Variants in GABRB1 observed in about 807,000 individuals in gnomAD.
The protein encoded by GABRB1 is gamma-aminobutyric acid type A receptor subunit beta1.
In GABRB1, 17 loss-of-function variants were observed where a neutral mutation model predicts 51.6. That is an observed-to-expected ratio of 0.33 (90% CI 0.23 to 0.49). GABRB1 has a LOEUF of 0.49. Ranked by LOEUF, GABRB1 falls within the 20% of genes least tolerant of loss-of-function variation. The pLI is 0.99. For missense variants in GABRB1, 410 were observed against 600.6 expected, an observed-to-expected ratio of 0.68 and a Z score of 3.32; for synonymous variants, 247 against 218.9, an observed-to-expected ratio of 1.13 and a Z score of -1.14.
intron 3 of GABRB1, among the ~76,000 whole-genome samples, chr4:47,101,569 G>A (rs1017485816): frequency 2.0e-5 from 3 of 151,552 alleles, no homozygotes; most frequent in Admixed American, 6.6e-5. Context: ...GCAACCAACC[G>A]TTTTAAGATT....
At chr4:47,177,955 G>T (rs1348221) in intron 4 of GABRB1, among the ~76,000 whole-genome samples, 1 of 151,878 alleles carries the variant, frequency 6.6e-6, no homozygotes, top group Non-Finnish European at 1.5e-5. Flanking sequence ...TTTGGGTTCC[G>T]AGTGTGAGGC....
intron 1 of GABRB1, among the ~76,000 whole-genome samples, chr4:47,015,234 A>G (rs915139092): frequency 6.6e-6 from 1 of 152,218 alleles, no homozygotes; most frequent in Non-Finnish European, 1.5e-5. Context: ...TGATGGGTCT[A>G]TAAATGAGAC....
At chr4:47,213,902 G>A (rs1720458779) in intron 4 of GABRB1, among the ~76,000 whole-genome samples, 2 of 151,860 alleles carry the variant, frequency 1.3e-5, no homozygotes, top group Admixed American at 1.3e-4. Context: ...GCGCTTTAGG[G>A]TAGATGTTGG....
intron 4 of GABRB1, among the ~76,000 whole-genome samples, chr4:47,184,217 A>G (rs1483967798): frequency 1.3e-5 from 2 of 151,962 alleles, no homozygotes; most frequent in African/African-American, 2.4e-5. Context: ...CCAGTCTGCC[A>G]AAACAGCCAA....
chr4:47,388,966 A>G (rs1231062030), intron 5 of GABRB1, among the ~76,000 whole-genome samples: 1 of 151,724 alleles, frequency 6.6e-6, no homozygotes, highest in Non-Finnish European at 1.5e-5. Context: ...TTTACTTATG[A>G]TAGAACATGT....
intron 1 of GABRB1, among the ~76,000 whole-genome samples, chr4:47,018,075 C>A (rs1202473048): frequency 6.6e-6 from 1 of 151,758 alleles, no homozygotes; most frequent in African/African-American, 2.4e-5. Flanking sequence ...TCCTCCTCCT[C>A]CTTCTTCTTC....
intron 3 of GABRB1, among the ~76,000 whole-genome samples, chr4:47,145,547 A>G (rs551301642): frequency 4.6e-5 from 7 of 152,172 alleles, no homozygotes; most frequent in African/African-American, 1.4e-4. Flanking sequence ...ATGGAGAGAG[A>G]GAGAGAGATT....
At chr4:47,087,534 G>A (rs796711290) in intron 3 of GABRB1, among the ~76,000 whole-genome samples, 11 of 148,974 alleles carry the variant, frequency 7.4e-5, no homozygotes, top group African/African-American at 2.7e-4. Context: ...TCCCCCGTTA[G>A]CACTTTCTTT....
intron 5 of GABRB1, among the ~76,000 whole-genome samples, chr4:47,365,575 C>T (rs147552521): frequency 2.3e-3 from 350 of 152,278 alleles, no homozygotes; most frequent in African/African-American, 8.2e-3. Context: ...CCTTCTCTGC[C>T]TGCTTTGTGT....
At chr4:47,067,650 T>C (rs1727146016) in intron 3 of GABRB1, among the ~76,000 whole-genome samples, 1 of 151,996 alleles carries the variant, frequency 6.6e-6, no homozygotes, top group Non-Finnish European at 1.5e-5. Context: ...ATTGTTATTG[T>C]TATTATTTGA....
chr4:47,032,694 C>A (rs755826937), intron 3 of GABRB1: 5 of 712,938 alleles, frequency 7.0e-6, no homozygotes, highest in Non-Finnish European at 2.6e-6. Context: ...CCAGGGGAAA[C>A]GTGCTCGGCA....
chr4:47,208,681 C>T (rs1720234207), intron 4 of GABRB1, among the ~76,000 whole-genome samples: 1 of 152,056 alleles, frequency 6.6e-6, no homozygotes, highest in Non-Finnish European at 1.5e-5. Flanking sequence ...AAAGGCTCTT[C>T]ATGGAGAGGT....
At chr4:47,290,451 G>A (rs1362520971) in intron 4 of GABRB1, among the ~76,000 whole-genome samples, 2 of 152,146 alleles carry the variant, frequency 1.3e-5, no homozygotes, top group Non-Finnish European at 2.9e-5. Context: ...ACAGTAATTG[G>A]TACCAGTAGA....
chr4:47,404,879 TTCCTTAC>T (rs1728517828), intron 7 of GABRB1, among the ~76,000 whole-genome samples: 1 of 152,226 alleles, frequency 6.6e-6, no homozygotes, highest in African/African-American at 2.4e-5. Context: ...AATTGTGGTT[TTCCTTAC>T]TCTTCTATCC....
intron 5 of GABRB1, among the ~76,000 whole-genome samples, chr4:47,337,623 G>T (rs1578104414): frequency 6.6e-6 from 1 of 151,558 alleles, no homozygotes; most frequent in Non-Finnish European, 1.5e-5. Flanking sequence ...TGGCAAGCAG[G>T]TTTAGTAGAA....
At chr4:47,212,631 A>G (rs1206451037) in intron 4 of GABRB1, among the ~76,000 whole-genome samples, 3 of 152,082 alleles carry the variant, frequency 2.0e-5, no homozygotes, top group African/African-American at 7.2e-5. Flanking sequence ...GTGAGCCGAG[A>G]TCGTGTTGCT....
At chr4:47,381,280 G>A (rs575881761) in intron 5 of GABRB1, among the ~76,000 whole-genome samples, 2 of 152,220 alleles carry the variant, frequency 1.3e-5, no homozygotes, top group South Asian at 4.2e-4. Context: ...CCACAAGCAG[G>A]ATCAGGTCCT....
At chr4:47,233,911 C>T (rs538548743) in intron 4 of GABRB1, among the ~76,000 whole-genome samples, 1 of 152,070 alleles carries the variant, frequency 6.6e-6, no homozygotes, top group African/African-American at 2.4e-5. Context: ...ACATCATTAA[C>T]CTACTTATGA....
At chr4:47,315,107 T>C (rs959960654) in intron 4 of GABRB1, among the ~76,000 whole-genome samples, 41 of 151,902 alleles carry the variant, frequency 2.7e-4, no homozygotes, top group Middle Eastern at 6.8e-3. Context: ...AGACAACCTA[T>C]AGAATGGGAG....
Sources: gnomAD v4.1 joint callset for allele counts (sites outside exome capture counted in the v4.1 genomes callset) on GRCh38, gnomAD v4.1.1 for gene constraint, MANE v1.5 for transcripts, NCBI Gene and HGNC (gene_info 2026-07-23, HGNC 2026-07-21) for gene names.